NLK: variants seen among roughly 807,000 people sequenced by gnomAD.
NLK encodes serine/threonine-protein kinase NLK.
In NLK, 11 loss-of-function variants were observed where a neutral mutation model predicts 59.0. The ratio of observed to expected loss-of-function variants is 0.19; its 90% CI spans 0.12 to 0.31. The LOEUF (loss-of-function observed/expected upper bound fraction) is 0.31. Among genes scored for constraint, NLK ranks in the 10% least tolerant of loss-of-function variants. NLK has a pLI of 1.00. For synonymous variants in NLK, 235 were observed against 235.9 expected, an observed-to-expected ratio of 1.00 and a Z score of 0.03; for missense variants, 410 against 661.1, an observed-to-expected ratio of 0.62 and a Z score of 4.16.
chr17:28,173,107 T>C (rs1908530891), intron 7 of NLK, among the ~76,000 whole-genome samples: 1 of 152,210 alleles, frequency 6.6e-6, no homozygotes. Flanking sequence ...TTTGCACTCA[T>C]CAGTATTACT....
chr17:28,092,747 T>TTTTTATTTTATTTTATTTTATTTTA (rs527686804), intron 1 of NLK, among the ~76,000 whole-genome samples: 4 of 139,314 alleles, frequency 2.9e-5, no homozygotes, highest in African/African-American at 1.1e-4. Flanking sequence ...AAGTGGCTTG[T>TTTTTATTTTATTTTATTTTATTTTA]TTTTATTTTA....
At chr17:28,128,655 A>G (rs1906387822) in intron 2 of NLK, among the ~76,000 whole-genome samples, 1 of 152,240 alleles carries the variant, frequency 6.6e-6, no homozygotes, top group Non-Finnish European at 1.5e-5. Flanking sequence ...GACTGACAAT[A>G]CCAACTGCTG....
intron 1 of NLK, among the ~76,000 whole-genome samples, chr17:28,086,724 C>T (rs1235596904): frequency 1.3e-5 from 2 of 151,878 alleles, no homozygotes; most frequent in African/African-American, 4.8e-5. Context: ...TGTGATGAGT[C>T]ACATCTCATT....
rs1004984572 is a variant in NLK, at chr17:28,146,068, C to G, written c.644+13393C>G. Among the ~76,000 whole-genome samples the G allele has an allele frequency of 2.6e-5, 4 of 152,008 alleles. No individual in the cohort carries two copies. In the East Asian group the frequency reaches 7.7e-4, roughly 29 times the overall value. On this transcript the variant is annotated intron_variant, in intron 3 of 10. Coordinates refer to ENST00000407008, the MANE Select transcript of NLK (RefSeq NM_016231.5). ...TCCTTATATTCTTTTGCTTTTTTCCCTGGGGAGAATGTTGGAAAGAAATAG... is the reference window on the plus strand; with the variant it reads ...TCCTTATATTCTTTTGCTTTTTTCCGTGGGGAGAATGTTGGAAAGAAATAG...
At chr17:28,163,322 T>C (rs1217260957) in intron 4 of NLK, among the ~76,000 whole-genome samples, 1 of 152,254 alleles carries the variant, frequency 6.6e-6, no homozygotes, top group African/African-American at 2.4e-5. Flanking sequence ...GTTTAAATTA[T>C]AGACATTATC....
Position 28,191,006 on chromosome 17 carries a change from C to A in NLK, c.1237-15C>A, listed in dbSNP as rs766620777. 2 of 1,569,664 alleles carry A rather than the reference C, an allele frequency of 1.3e-6. No individual in the cohort carries two copies. Among genetic ancestry groups the A allele is most frequent in the South Asian group, 2.4e-5 (2 of 83,050 alleles). Reference sequence around the variant, plus strand: ...ATCTGTAGTGTTGATGTGCTGGTCTCTAATTTGATTTCAGTCCAAAAGAAT... The same window carrying A: ...ATCTGTAGTGTTGATGTGCTGGTCTATAATTTGATTTCAGTCCAAAAGAAT... On this transcript the variant is annotated splice_polypyrimidine_tract_variant and intron_variant, in intron 8 of 10. Transcript: ENST00000407008.
intron 1 of NLK, among the ~76,000 whole-genome samples, chr17:28,072,327 CTTTTTTTT>C (rs56146394): frequency 7.5e-6 from 1 of 132,750 alleles, no homozygotes; most frequent in Non-Finnish European, 1.6e-5. Flanking sequence ...TCTTCTTTTT[CTTTTTTTT>C]TTTTTTTTGA....
intron 7 of NLK, among the ~76,000 whole-genome samples, chr17:28,176,495 A>G (rs985774639): frequency 6.6e-6 from 1 of 152,208 alleles, no homozygotes; most frequent in African/African-American, 2.4e-5. Context: ...ATAATGTACC[A>G]TTACTATTCC....
At chr17:28,185,103 A>G in intron 7 of NLK, 76 bp from the exon 8 acceptor site, 4 of 768,476 alleles carry the variant, frequency 5.2e-6, no homozygotes, top group Non-Finnish European at 8.2e-6. Context: ...TACTTACCTT[A>G]TCATAAATTG....
At chr17:28,122,865 G>GA in intron 2 of NLK, 133 bp downstream of exon 2, 1 of 905,382 alleles carries the variant, frequency 1.1e-6, no homozygotes, top group Non-Finnish European at 1.7e-6. Context: ...TGCCAAATGT[G>GA]AAAAGAAATA....
chr17:28,115,378 T>C (rs1263039950), intron 1 of NLK, among the ~76,000 whole-genome samples: 1 of 152,240 alleles, frequency 6.6e-6, no homozygotes, highest in African/African-American at 2.4e-5. Context: ...GGTTTGAAGC[T>C]GAGAGACAAT....
chr17:28,150,962 A>G (rs1249884317), intron 3 of NLK, among the ~76,000 whole-genome samples: 1 of 152,320 alleles, frequency 6.6e-6, no homozygotes, highest in Admixed American at 6.5e-5. Flanking sequence ...TCATTGACCC[A>G]GTGGGTACAC....
chr17:28,095,987 T>C (rs1051099854), intron 1 of NLK, among the ~76,000 whole-genome samples: 40 of 152,322 alleles, frequency 2.6e-4, no homozygotes, highest in African/African-American at 8.7e-4. Flanking sequence ...AAAGTTCCCA[T>C]GCATTTCTCC....
intron 1 of NLK, among the ~76,000 whole-genome samples, chr17:28,056,653 G>A (rs1400749830): frequency 6.6e-6 from 1 of 152,108 alleles, no homozygotes; most frequent in Non-Finnish European, 1.5e-5. Context: ...AAGATTTTTG[G>A]TGAAGAACAA....
At chr17:28,135,537 G>C (rs377237627) in intron 3 of NLK, among the ~76,000 whole-genome samples, 10 of 152,338 alleles carry the variant, frequency 6.6e-5, no homozygotes, top group African/African-American at 2.2e-4. Context: ...CTATTGTCAG[G>C]TGGATATTGC....
chr17:28,101,209 A>G (rs1403838471), intron 1 of NLK, among the ~76,000 whole-genome samples: 1 of 152,230 alleles, frequency 6.6e-6, no homozygotes, highest in African/African-American at 2.4e-5. Flanking sequence ...ATCAAGTAGT[A>G]TAAATCATTC....
At chr17:28,156,100 TA>T (rs1907700024) in intron 3 of NLK, among the ~76,000 whole-genome samples, 1 of 152,076 alleles carries the variant, frequency 6.6e-6, no homozygotes, top group Admixed American at 6.6e-5. Context: ...AGAAAACTAT[TA>T]AGGAAATTTT....
At chr17:28,094,342 T>G (rs1272077091) in intron 1 of NLK, among the ~76,000 whole-genome samples, 2 of 152,324 alleles carry the variant, frequency 1.3e-5, no homozygotes, top group Middle Eastern at 3.4e-3. Flanking sequence ...AGAACACATT[T>G]CAATAAGGCT....
At chr17:28,192,295 T>C in intron 10 of NLK, 82 bp downstream of exon 10, 1 of 769,598 alleles carries the variant, frequency 1.3e-6, no homozygotes, top group East Asian at 2.7e-5. Context: ...ATATTTGTTT[T>C]TATTTAGATA....
Sources: gnomAD v4.1 joint callset for allele counts (sites outside exome capture counted in the v4.1 genomes callset) on GRCh38, gnomAD v4.1.1 for gene constraint, MANE v1.5 for transcripts, NCBI Gene and HGNC (gene_info 2026-07-23, HGNC 2026-07-21) for gene names.